Variants in GFRA1 observed in about 807,000 individuals in gnomAD.
GFRA1 encodes GDNF family receptor alpha 1.
A neutral mutation model predicts 51.6 loss-of-function variants in GFRA1; 16 were observed. The ratio of observed to expected loss-of-function variants is 0.31; its 90% CI spans 0.21 to 0.47. GFRA1 has a LOEUF of 0.47. GFRA1 is among the 20% of genes least tolerant of loss of function. The probability of loss-of-function intolerance (pLI) is 1.00; values close to 1 mark genes in which losing one functional copy is unlikely to be tolerated. For missense variants in GFRA1, 530 were observed against 594.3 expected (o/e 0.89, Z 1.13); for synonymous variants, 270 against 241.3 (o/e 1.12, Z -1.10).
intron 4 of GFRA1, among the ~76,000 whole-genome samples, chr10:116,269,300 A>G (rs1420538377): frequency 6.6e-6 from 1 of 152,128 alleles, no homozygotes; most frequent in African/African-American, 2.4e-5. Flanking sequence ...ACCACACCAC[A>G]TTACTTCATT....
intron 5 of GFRA1, among the ~76,000 whole-genome samples, chr10:116,185,014 T>A (rs1486793415): frequency 6.6e-6 from 1 of 152,156 alleles, no homozygotes; most frequent in Non-Finnish European, 1.5e-5. Context: ...TCGAAAAATA[T>A]ATTTTTTTCC....
chr10:116,245,857 T>C (rs1053484922), intron 4 of GFRA1, among the ~76,000 whole-genome samples: 1 of 152,096 alleles, frequency 6.6e-6, no homozygotes, highest in Non-Finnish European at 1.5e-5. Context: ...ATTCCAACCA[T>C]ATCACATTCT....
chr10:116,202,841 C>CCTCCCCT (rs1964445869), intron 5 of GFRA1, among the ~76,000 whole-genome samples: 1 of 152,142 alleles, frequency 6.6e-6, no homozygotes, highest in African/African-American at 2.4e-5. Context: ...AAATCCAAAT[C>CCTCCCCT]ATGTTACATC....
At chr10:116,081,275 CCCTG>C (rs1955838597) in intron 9 of GFRA1, among the ~76,000 whole-genome samples, 1 of 152,162 alleles carries the variant, frequency 6.6e-6, no homozygotes, top group African/African-American at 2.4e-5. Flanking sequence ...GAGTCTGACA[CCCTG>C]AGTGGTTAGC....
At chr10:116,256,774 G>T (rs1449192252) in intron 4 of GFRA1, among the ~76,000 whole-genome samples, 1 of 152,224 alleles carries the variant, frequency 6.6e-6, no homozygotes, top group African/African-American at 2.4e-5. Context: ...GAAGACTGGG[G>T]AGTCAGAGGA....
At chr10:116,229,471 G>A (rs1466236758) in intron 4 of GFRA1, among the ~76,000 whole-genome samples, 1 of 152,126 alleles carries the variant, frequency 6.6e-6, no homozygotes, top group Non-Finnish European at 1.5e-5. Context: ...TTCATCTGGG[G>A]CTCAACCAAT....
At chr10:116,117,598 T>TGGAC (rs1957477080) in intron 6 of GFRA1, among the ~76,000 whole-genome samples, 1 of 140,820 alleles carries the variant, frequency 7.1e-6, no homozygotes, top group South Asian at 2.4e-4. Context: ...GATGGATGGA[T>TGGAC]GGGTGGATGG....
intron 4 of GFRA1, among the ~76,000 whole-genome samples, chr10:116,230,721 CACA>C (rs1395804078): frequency 7.4e-6 from 1 of 135,916 alleles, no homozygotes; most frequent in East Asian, 2.0e-4. Context: ...GACAGACACA[CACA>C]CACACACACA....
chr10:116,156,375 T>G (rs1184709370), intron 5 of GFRA1, among the ~76,000 whole-genome samples: 1 of 152,232 alleles, frequency 6.6e-6, no homozygotes, highest in Non-Finnish European at 1.5e-5. Context: ...AATTTTATTT[T>G]GCATGTTTCA....
At chr10:116,135,601 C>T (rs1958289589) in intron 5 of GFRA1, among the ~76,000 whole-genome samples, 1 of 152,126 alleles carries the variant, frequency 6.6e-6, no homozygotes. Flanking sequence ...TTTAATTCCT[C>T]AAGTATAGAG....
chr10:116,088,920 C>CAAAAAAA (rs58590152), intron 9 of GFRA1, among the ~76,000 whole-genome samples: 6 of 49,052 alleles, frequency 1.2e-4, no homozygotes, highest in Admixed American at 7.8e-4. Context: ...GACTCTGTCT[C>CAAAAAAA]AAAAAAAAAA....
intron 9 of GFRA1, among the ~76,000 whole-genome samples, chr10:116,074,924 G>A (rs1056852620): frequency 6.6e-6 from 1 of 152,214 alleles, no homozygotes; most frequent in African/African-American, 2.4e-5. Flanking sequence ...TTTATAGTAT[G>A]TGATCTAAGT....
chr10:116,080,955 G>T (rs1235228117), intron 9 of GFRA1, among the ~76,000 whole-genome samples: 1 of 152,212 alleles, frequency 6.6e-6, no homozygotes, highest in African/African-American at 2.4e-5. Context: ...CAGCAAGGGG[G>T]CGACATGCCC....
chr10:116,186,663 G>A (rs1299190774), intron 5 of GFRA1, among the ~76,000 whole-genome samples: 1 of 151,946 alleles, frequency 6.6e-6, no homozygotes, highest in African/African-American at 2.4e-5. Flanking sequence ...GGGGCGGCGG[G>A]AGGTGCTGAA....
At chr10:116,092,805 C>T (rs1326019606) in intron 8 of GFRA1, among the ~76,000 whole-genome samples, 6 of 152,158 alleles carry the variant, frequency 3.9e-5, no homozygotes, top group Admixed American at 3.9e-4. Context: ...ATTTTACACT[C>T]GCTATAGAGT....
At chr10:116,137,400 A>G (rs1380051265) in intron 5 of GFRA1, among the ~76,000 whole-genome samples, 2 of 152,118 alleles carry the variant, frequency 1.3e-5, no homozygotes, top group African/African-American at 4.8e-5. Flanking sequence ...TCAGGTCTTT[A>G]TTTTTAGTTA....
intron 9 of GFRA1, among the ~76,000 whole-genome samples, chr10:116,069,484 T>G (rs1052730220): frequency 6.6e-6 from 1 of 152,128 alleles, no homozygotes; most frequent in Non-Finnish European, 1.5e-5. Flanking sequence ...GGAAACCTGT[T>G]TTTTAGGCAC....
At chr10:116,211,602 A>T in intron 5 of GFRA1, 29 bp downstream of exon 5, 1 of 1,542,542 alleles carries the variant, frequency 6.5e-7, no homozygotes, top group East Asian at 2.4e-5. Context: ...ACAGCCAGTG[A>T]AAAAGCAGGC....
At chr10:116,271,455 C>T (rs1045835206) in intron 2 of GFRA1, among the ~76,000 whole-genome samples, 2 of 152,144 alleles carry the variant, frequency 1.3e-5, no homozygotes, top group Admixed American at 1.3e-4. Flanking sequence ...CCCGGGCCAC[C>T]CCCGGCTCCA....
Sources: allele counts gnomAD v4.1 joint callset (sites outside exome capture counted in the v4.1 genomes callset), GRCh38; gene constraint gnomAD v4.1.1; transcripts MANE v1.5; gene names NCBI Gene and HGNC (gene_info 2026-07-23, HGNC 2026-07-21).